Variants in PALM2AKAP2 observed in about 807,000 individuals in gnomAD.
The protein encoded by PALM2AKAP2 is PALM2-AKAP2 fusion protein.
PALM2AKAP2 carries 37 observed loss-of-function variants against 71.5 expected under a neutral mutation model. That is an observed-to-expected ratio of 0.52 (90% CI 0.40 to 0.68). The LOEUF (loss-of-function observed/expected upper bound fraction) is 0.68, where lower values mean the gene tolerates loss of function less well. Ranked by LOEUF, PALM2AKAP2 falls within the 30% of genes least tolerant of loss-of-function variation. The pLI, the probability that PALM2AKAP2 is intolerant of heterozygous loss-of-function variation, is 0.00. For synonymous variants in PALM2AKAP2, 468 were observed against 478.8 expected (o/e 0.98, Z 0.29); for missense variants, 1,224 against 1,191.8 (o/e 1.03, Z -0.40).
intron 1 of PALM2AKAP2, among the ~76,000 whole-genome samples, chr9:110,114,276 C>A (rs1267953500): frequency 6.6e-6 from 1 of 152,182 alleles, no homozygotes; most frequent in East Asian, 1.9e-4. Flanking sequence ...AATTCTGCCT[C>A]CAGATTCACA....
At chr9:109,644,095 G>A (rs1044577747) in intron 1 of PALM2AKAP2, among the ~76,000 whole-genome samples, 5 of 152,088 alleles carry the variant, frequency 3.3e-5, no homozygotes, top group African/African-American at 1.2e-4. Context: ...TTCACCCCCA[G>A]GACCAAAACA....
At chr9:109,785,629 G>A (rs141853025) in intron 1 of PALM2AKAP2, among the ~76,000 whole-genome samples, 1 of 152,318 alleles carries the variant, frequency 6.6e-6, no homozygotes, top group Non-Finnish European at 1.5e-5. Context: ...ATGAGAGCTT[G>A]TGCAGGGAAA....
chr9:110,155,533 A>T (rs1472330269), intron 2 of PALM2AKAP2, among the ~76,000 whole-genome samples: 1 of 152,034 alleles, frequency 6.6e-6, no homozygotes, highest in Non-Finnish European at 1.5e-5. Context: ...TTAATCACTG[A>T]CCTCATCTCT....
intron 1 of PALM2AKAP2, among the ~76,000 whole-genome samples, chr9:109,800,846 G>A (rs934835176): frequency 3.9e-5 from 6 of 152,280 alleles, no homozygotes; most frequent in African/African-American, 9.6e-5. Flanking sequence ...GAAACTCTGC[G>A]TGCTTTAATA....
intron 1 of PALM2AKAP2, among the ~76,000 whole-genome samples, chr9:109,680,152 T>C (rs1827707369): frequency 6.6e-6 from 1 of 152,244 alleles, no homozygotes; most frequent in African/African-American, 2.4e-5. Context: ...TGGCTACATC[T>C]GGGGCTGTCC....
intron 1 of PALM2AKAP2, among the ~76,000 whole-genome samples, chr9:109,691,863 TATATACACACACACACAC>T (rs200994799): frequency 0.016 from 701 of 43,396 alleles, 16 homozygotes; most frequent in Middle Eastern, 0.026. Flanking sequence ...TATATATATA[TATATACACACACACACAC>T]ATATATATAT....
chr9:109,998,124 TTG>T (rs144244914), intron 6 of PALM2AKAP2, among the ~76,000 whole-genome samples: 23,089 of 152,164 alleles, frequency 0.15, 2,210 homozygotes, highest in Middle Eastern at 0.24. Context: ...CCCATTCTTT[TTG>T]TTGTGATCAA....
At chr9:109,703,196 G>A (rs1238266737) in intron 1 of PALM2AKAP2, among the ~76,000 whole-genome samples, 2 of 152,204 alleles carry the variant, frequency 1.3e-5, no homozygotes, top group Non-Finnish European at 2.9e-5. Context: ...ATAACTTGGA[G>A]TTGTCTTTTG....
At chr9:109,738,025 A>G (rs1362078738) in intron 1 of PALM2AKAP2, among the ~76,000 whole-genome samples, 4 of 152,232 alleles carry the variant, frequency 2.6e-5, no homozygotes, top group Non-Finnish European at 5.9e-5. Flanking sequence ...GACAATCATT[A>G]TATATTTGGC....
At position 109,717,436 on chromosome 9, in the gene PALM2AKAP2, C is replaced by A. The variant is rs547233186; in HGVS notation, c.6-63052C>A. Among the ~76,000 whole-genome samples, 25 of 152,258 alleles carry A rather than the reference C, an allele frequency of 1.6e-4. 1 individual carries two copies. In the South Asian group the frequency reaches 4.4e-3, roughly 27 times the overall value. On this transcript the variant is annotated intron_variant, in intron 1 of 6. Transcript: ENST00000374531. ...AGAGGAACAGCTCCCAAATCATCTT[C>A]ATTTGTGCCAGGAAGGTGTGTGGGG...
At chr9:109,693,406 C>T (rs765615872) in intron 1 of PALM2AKAP2, among the ~76,000 whole-genome samples, 23 of 151,874 alleles carry the variant, frequency 1.5e-4, no homozygotes, top group Non-Finnish European at 2.7e-4. Context: ...TTTCAAAGAA[C>T]TGTAATTGAT....
intron 1 of PALM2AKAP2, among the ~76,000 whole-genome samples, chr9:109,698,195 C>T (rs1198384251): frequency 6.6e-6 from 1 of 151,952 alleles, no homozygotes; most frequent in East Asian, 1.9e-4. Flanking sequence ...TTTCATACAT[C>T]TCTCACTGTC....
In PALM2AKAP2 at chr9:110,016,055, C is replaced by T. The variant is rs1564261555; in HGVS notation, c.582+16C>T. The T allele has an allele frequency of 1.2e-6, 2 of 1,609,818 alleles. No homozygotes were observed. Among genetic ancestry groups the T allele is most frequent in the East Asian group, 2.2e-5 (1 of 44,858 alleles). On this transcript the variant is annotated intron_variant, in intron 7 of 9. Coordinates refer to the PALM2AKAP2 transcript ENST00000302798. ...GACTATCAAGGTAAGGGATTCTCTTCAGGTTGATTCTCAAAGTGTATCTCT... is the reference window on the plus strand; with the variant it reads ...GACTATCAAGGTAAGGGATTCTCTTTAGGTTGATTCTCAAAGTGTATCTCT...
chr9:110,145,289 G>A lies in PALM2AKAP2; in HGVS notation c.2569+6750G>A, dbSNP rs111266398. On this transcript the variant is annotated intron_variant, in intron 2 of 3. Coordinates refer to ENST00000374525, the Ensembl canonical transcript of PALM2AKAP2. ...CAAATTACAGTAGGCAAAAGCACTC[G>A]GGCTGTCCAAAGATCTGAGCGGATA... 2.6e-4 allele frequency among the ~76,000 whole-genome samples: 40 copies of A among 152,208 alleles called. 1 individual carries two copies. The highest frequency in any genetic ancestry group is 9.2e-4 in the African/African-American group (38 of 41,520).
chr9:109,733,499 T>G (rs889385460), intron 1 of PALM2AKAP2, among the ~76,000 whole-genome samples: 2 of 152,166 alleles, frequency 1.3e-5, no homozygotes, highest in African/African-American at 4.8e-5. Context: ...CCTGGTGTGG[T>G]ACAAAGCAGA....
At chr9:109,695,876 G>T (rs930283367) in intron 1 of PALM2AKAP2, among the ~76,000 whole-genome samples, 7 of 152,120 alleles carry the variant, frequency 4.6e-5, no homozygotes, top group Non-Finnish European at 8.8e-5. Flanking sequence ...GTTGACAAGG[G>T]TGGGGGTGAT....
chr9:110,137,038 G>C lies in PALM2AKAP2; in HGVS notation c.1068G>C (p.Glu356Asp). The C allele has an allele frequency of 1.2e-6, 2 of 1,614,138 alleles. No homozygotes were observed. The highest frequency in any genetic ancestry group is 1.6e-4 in the Middle Eastern group (1 of 6,062). The change falls in exon 2 of 4, where the codon GAG becomes GAC. Residue 356 changes from glutamate to aspartate, a missense_variant. By Grantham distance (45) the Glu-to-Asp change is conservative. Coordinates refer to ENST00000374525, the Ensembl canonical transcript of PALM2AKAP2. ...TGGAGTCGCACAAAAAGTACAAGGA[G>C]CGCAAAGAGAGAAGGGCACAGCAGG...
chr9:110,135,172 A>ATATATATATAT (rs58573716), intron 1 of PALM2AKAP2, among the ~76,000 whole-genome samples: 5 of 61,096 alleles, frequency 8.2e-5, no homozygotes, highest in African/African-American at 1.8e-4. Flanking sequence ...AAAATATATA[A>ATATATATATAT]ATATATATAT....
chr9:109,932,194 C>T lies in PALM2AKAP2; in HGVS notation c.496+166C>T, dbSNP rs112603735. ...TGGCCACACAAGGCAGGCACCGGCC[C>T]CAGATGGGTAACTGAGGACCAAATG... On this transcript the variant is annotated intron_variant, in intron 6 of 9. Coordinates refer to the PALM2AKAP2 transcript ENST00000302798. Among the ~76,000 whole-genome samples, 1,435 of 152,318 alleles carry T rather than the reference C, an allele frequency of 9.4e-3. 27 individuals are homozygous for T. The highest frequency in any genetic ancestry group is 0.033 in the African/African-American group (1,376 of 41,558).
Sources: gnomAD v4.1 joint callset for allele counts (sites outside exome capture counted in the v4.1 genomes callset) on GRCh38, gnomAD v4.1.1 for gene constraint, MANE v1.5 for transcripts, NCBI Gene and HGNC (gene_info 2026-07-23, HGNC 2026-07-21) for gene names.